The following FGF13 variants were observed in gnomAD, a reference collection of about 807,000 sequenced individuals.
FGF13 encodes the protein fibroblast growth factor 13.
In FGF13, 2 loss-of-function variants were observed where a neutral mutation model predicts 19.5. The observed-to-expected ratio is 0.10, with a 90% CI of 0.04 to 0.32. The LOEUF is 0.32. Among genes scored for constraint, FGF13 ranks in the 10% least tolerant of loss-of-function variants. The probability of loss-of-function intolerance (pLI) is 1.00; values close to 1 mark genes in which losing one functional copy is unlikely to be tolerated. For missense variants in FGF13, 113 were observed against 192.7 expected, an observed-to-expected ratio of 0.59 and a Z score of 2.45; for synonymous variants, 72 against 76.9, an observed-to-expected ratio of 0.94 and a Z score of 0.33.
intron 1 of FGF13, among the ~76,000 whole-genome samples, chrX:138,920,138 A>C (rs2091637394): frequency 9.0e-6 from 1 of 111,339 alleles, no homozygotes; most frequent in African/African-American, 3.3e-5. Flanking sequence ...TTCTGCACCA[A>C]CACTGTATGT....
intron 1 of FGF13, among the ~76,000 whole-genome samples, chrX:139,108,287 A>G (rs1219960163): frequency 8.9e-6 from 1 of 111,816 alleles, no homozygotes; most frequent in Non-Finnish European, 1.9e-5. Context: ...TGGAAGTTCT[A>G]AGCTATGGGC....
intron 1 of FGF13, among the ~76,000 whole-genome samples, chrX:139,032,917 GTTC>G (rs930106513): frequency 1.9e-5 from 2 of 105,373 alleles, no homozygotes; most frequent in African/African-American, 6.9e-5. Flanking sequence ...TGGACTTTCG[GTTC>G]TTCTTTGAAT....
rs753000451 is a variant in FGF13 at position 139,202,413 on chromosome X, G to C, written c.-113+1003C>G. On this transcript the variant is annotated intron_variant, in intron 1 of 2. Coordinates refer to the FGF13 transcript ENST00000421460. ...ATTTTCCTTTATCATATAAATGCCT[G>C]TTTGAGACTCAACAATTAGGGGAGC... Among the ~76,000 whole-genome samples the C allele has an allele frequency of 1.3e-4, 14 of 111,797 alleles. No individual in the cohort carries two copies. The South Asian group carries it at 3.4e-3, about 27-fold the overall frequency.
rs749250021 is a variant in FGF13, at chrX:139,166,316, G to A, written c.-113+37100C>T. Among the ~76,000 whole-genome samples, 371 of 111,220 alleles carry A rather than the reference G, an allele frequency of 3.3e-3. 3 individuals are homozygous for A. The highest frequency in any genetic ancestry group is 0.011 in the African/African-American group (341 of 30,587). On this transcript the variant is annotated intron_variant, in intron 1 of 2. Transcript: ENST00000421460. ...GGGTTTCCCCCTTTGCTTGGTTCTC[G>A]TTTTTCTCTCTCTAGCTGCCATGTG... is the stretch of plus-strand genomic sequence containing the variant.
intron 1 of FGF13, among the ~76,000 whole-genome samples, chrX:138,912,815 G>T (rs1380076213): frequency 8.1e-5 from 9 of 111,794 alleles, no homozygotes; most frequent in African/African-American, 1.3e-4. Context: ...CAAAATGGCA[G>T]TGGGGGTTGG....
At chrX:139,094,195 T>G (rs1031152676) in intron 1 of FGF13, among the ~76,000 whole-genome samples, 1 of 110,756 alleles carries the variant, frequency 9.0e-6, no homozygotes. Context: ...AAAACTAAGA[T>G]TGAGAAGTGA....
chrX:138,941,758 G>A (rs1453839745), intron 1 of FGF13, among the ~76,000 whole-genome samples: 1 of 111,924 alleles, frequency 8.9e-6, no homozygotes, highest in East Asian at 2.8e-4. Flanking sequence ...AGATTAGGTT[G>A]TATGTATGGC....
intron 1 of FGF13, among the ~76,000 whole-genome samples, chrX:138,870,525 A>G (rs935499096): frequency 5.3e-5 from 6 of 112,173 alleles, no homozygotes; most frequent in Non-Finnish European, 7.5e-5. Flanking sequence ...AATGGTCCTC[A>G]AAAATGCCCA....
chrX:138,893,824 T>C (rs1023687569), intron 1 of FGF13, among the ~76,000 whole-genome samples: 9 of 110,907 alleles, frequency 8.1e-5, no homozygotes, highest in African/African-American at 3.0e-4. Context: ...GTAAACAGAC[T>C]CACAATTGTA....
chrX:138,736,881 A>T (rs1314081229), intron 1 of FGF13, among the ~76,000 whole-genome samples: 2 of 110,596 alleles, frequency 1.8e-5, no homozygotes, highest in Non-Finnish European at 3.8e-5. Context: ...AGAAAAGAAC[A>T]CGAAAGGACC....
intron 1 of FGF13, among the ~76,000 whole-genome samples, chrX:139,202,107 AT>A (rs1569463993): frequency 8.9e-6 from 1 of 112,398 alleles, no homozygotes; most frequent in East Asian, 2.8e-4. Context: ...CTGTTTCCAG[AT>A]GCGTTAATCC....
At chrX:138,848,004 G>A (rs746861286) in intron 3 of FGF13, among the ~76,000 whole-genome samples, 7 of 111,854 alleles carry the variant, frequency 6.3e-5, no homozygotes, top group Non-Finnish European at 1.1e-4. Context: ...CCATCTTCTT[G>A]TTTAAGTACA....
chrX:138,844,821 A>G (rs2091171165), intron 3 of FGF13, among the ~76,000 whole-genome samples: 3 of 111,701 alleles, frequency 2.7e-5, no homozygotes, highest in South Asian at 7.6e-4. Context: ...GAGGCTAACA[A>G]TACTGAATGT....
At chrX:138,752,688 C>T (rs1260577953) in intron 3 of FGF13, among the ~76,000 whole-genome samples, 1 of 111,887 alleles carries the variant, frequency 8.9e-6, no homozygotes, top group Non-Finnish European at 1.9e-5. Flanking sequence ...CTGGAGTTCA[C>T]ACATTCAGAC....
At chrX:139,165,737 GC>G (rs2084079182) in intron 1 of FGF13, among the ~76,000 whole-genome samples, 1 of 111,597 alleles carries the variant, frequency 9.0e-6, no homozygotes, top group Admixed American at 9.6e-5. Context: ...GAAGTTACAA[GC>G]CATTAAGCTT....
chrX:139,119,873 A>G (rs1228534926), intron 1 of FGF13, among the ~76,000 whole-genome samples: 1 of 112,558 alleles, frequency 8.9e-6, no homozygotes, highest in East Asian at 2.8e-4. Flanking sequence ...GAGCACAAAG[A>G]GGTGAAGGCA....
chrX:138,682,103 A>T (rs895359728), intron 3 of FGF13, among the ~76,000 whole-genome samples: 3 of 112,510 alleles, frequency 2.7e-5, no homozygotes, highest in Non-Finnish European at 5.6e-5. Flanking sequence ...TTTGATTTGT[A>T]AAAACTGCAA....
At chrX:138,656,659 C>T (rs2089440668) in intron 3 of FGF13, among the ~76,000 whole-genome samples, 2 of 111,901 alleles carry the variant, frequency 1.8e-5, no homozygotes, top group African/African-American at 6.5e-5. Flanking sequence ...ACACTAGAAG[C>T]ATATGGGTTT....
At chrX:138,888,556 T>A (rs1603001266) in intron 1 of FGF13, among the ~76,000 whole-genome samples, 1 of 110,438 alleles carries the variant, frequency 9.1e-6, no homozygotes, top group Admixed American at 9.7e-5. Flanking sequence ...GCAGCTGACA[T>A]TTAGCACTCC....
Sources: gnomAD v4.1 joint callset for allele counts (sites outside exome capture counted in the v4.1 genomes callset) on GRCh38, gnomAD v4.1.1 for gene constraint, MANE v1.5 for transcripts, NCBI Gene and HGNC (gene_info 2026-07-23, HGNC 2026-07-21) for gene names.